Variants in CMTM7 observed in about 807,000 individuals in gnomAD.
CMTM7 encodes CKLF-like MARVEL transmembrane domain-containing protein 7.
CMTM7 carries 7 observed loss-of-function variants against 19.3 expected under a neutral mutation model. The ratio of observed to expected loss-of-function variants is 0.36; its 90% confidence interval spans 0.21 to 0.68. CMTM7 has a LOEUF of 0.68. Ranked by LOEUF, CMTM7 falls within the 30% of genes least tolerant of loss-of-function variation. CMTM7 has a pLI of 0.60. For synonymous variants in CMTM7, 87 were observed against 99.3 expected (o/e 0.88, Z 0.74); for missense variants, 193 against 232.6 (o/e 0.83, Z 1.11).
intron 1 of CMTM7, among the ~76,000 whole-genome samples, chr3:32,420,173 G>A (rs1220149068): frequency 6.6e-6 from 1 of 152,228 alleles, no homozygotes; most frequent in African/African-American, 2.4e-5. Flanking sequence ...GCAGGCACAT[G>A]AGAGGAGGTA....
At chr3:32,402,254 GGC>G (rs1559400680) in intron 1 of CMTM7, among the ~76,000 whole-genome samples, 1 of 151,834 alleles carries the variant, frequency 6.6e-6, no homozygotes, top group South Asian at 2.1e-4. Context: ...TGGGGCTACA[GGC>G]GCGCGCCACC....
chr3:32,413,452 T>C (rs967619978), intron 1 of CMTM7, among the ~76,000 whole-genome samples: 3 of 152,228 alleles, frequency 2.0e-5, no homozygotes, highest in Non-Finnish European at 4.4e-5. Flanking sequence ...TGTTATAAGA[T>C]TAGAGTGATT....
At chr3:32,453,345 T>G (rs4955290) in intron 4 of CMTM7, among the ~76,000 whole-genome samples, 5,914 of 152,216 alleles carry the variant, frequency 0.039, 240 homozygotes, top group East Asian at 0.21. Flanking sequence ...TGAGTATCCT[T>G]TCGATATTTT....
intron 1 of CMTM7, among the ~76,000 whole-genome samples, chr3:32,430,714 T>TGTGTGTGTGAGA (rs10634592): frequency 4.0e-4 from 60 of 149,596 alleles, no homozygotes; most frequent in Non-Finnish European, 8.3e-4. Flanking sequence ...TGTGTGTGTG[T>TGTGTGTGTGAGA]GACACAGCTC....
chr3:32,431,940 C>T (rs149851126), intron 1 of CMTM7, among the ~76,000 whole-genome samples: 2 of 152,308 alleles, frequency 1.3e-5, no homozygotes, highest in East Asian at 1.9e-4. Context: ...AAGACCAGCC[C>T]GGTCAACATT....
At chr3:32,452,328 A>T (rs1338701732) in intron 3 of CMTM7, 64 bp from the exon 4 acceptor site, 10 of 1,613,220 alleles carry the variant, frequency 6.2e-6, no homozygotes, top group African/African-American at 1.3e-5. Context: ...TGAGAAGCAG[A>T]CAGGATTGCC....
At chr3:32,424,607 T>C (rs1182971986) in intron 1 of CMTM7, among the ~76,000 whole-genome samples, 2 of 150,830 alleles carry the variant, frequency 1.3e-5, no homozygotes, top group Non-Finnish European at 2.9e-5. Flanking sequence ...TCTTGCCCCC[T>C]CTCCCAGACC....
At chr3:32,426,122 G>T (rs1451132361) in intron 1 of CMTM7, among the ~76,000 whole-genome samples, 1 of 152,146 alleles carries the variant, frequency 6.6e-6, no homozygotes, top group East Asian at 1.9e-4. Context: ...TCCAGCCTGG[G>T]CAACAGGAGT....
chr3:32,392,720 G>A (rs1380932750), intron 1 of CMTM7, among the ~76,000 whole-genome samples: 1 of 152,190 alleles, frequency 6.6e-6, no homozygotes, highest in Non-Finnish European at 1.5e-5. Flanking sequence ...AAGGCCTGTT[G>A]TCAGGGGCTG....
In CMTM7 at chr3:32,425,644, A is replaced by G. The variant is rs566597358; in HGVS notation, c.160-16196A>G. ...TTCGGTTGGTGGGGGAAGAGTGCCA[A>G]TCTGTTGTATATATAGTACATTCCA... is the stretch of plus-strand genomic sequence containing the variant. On this transcript the variant is annotated intron_variant, in intron 1 of 4. Coordinates refer to ENST00000334983, the MANE Select transcript of CMTM7 (RefSeq NM_138410.4). Among the ~76,000 whole-genome samples the G allele has an allele frequency of 2.6e-5, 4 of 152,258 alleles. No individual in the cohort carries two copies. In the East Asian group the frequency reaches 5.8e-4, roughly 22 times the overall value.
intron 1 of CMTM7, among the ~76,000 whole-genome samples, chr3:32,434,751 G>A (rs781551275): frequency 6.6e-6 from 1 of 151,940 alleles, no homozygotes; most frequent in East Asian, 1.9e-4. Flanking sequence ...AATGAGAGAT[G>A]GAGAGAATAT....
At chr3:32,398,510 AAAT>A (rs1213580768) in intron 1 of CMTM7, among the ~76,000 whole-genome samples, 1 of 152,168 alleles carries the variant, frequency 6.6e-6, no homozygotes, top group East Asian at 1.9e-4. Context: ...CAAATAGAGA[AAAT>A]AAACATTAAT....
intron 3 of CMTM7, among the ~76,000 whole-genome samples, chr3:32,450,057 T>C (rs1047335224): frequency 6.6e-6 from 1 of 152,158 alleles, no homozygotes; most frequent in Non-Finnish European, 1.5e-5. Flanking sequence ...TAGCCATAAA[T>C]AGAAGTAGAT....
At position 32,391,967 on chromosome 3, in the gene CMTM7, G is replaced by A; in HGVS notation, c.61G>A (p.Gly21Arg). 2 of 1,231,530 alleles carry A rather than the reference G, an allele frequency of 1.6e-6. No homozygotes were observed. The highest frequency in any genetic ancestry group is 2.0e-6 in the Non-Finnish European group (2 of 986,476). The allele number at this position is 1,231,530 out of a possible 1,614,324, so 76.3% of individuals were successfully genotyped here. ...CAGCAGCGGCAGCGCGCTCGGACCC[G>A]GGGCCGGCGCGGCCCAGCCCAGCGC... ...TCSSGSALGPGAGAAQPSASP... is the reference protein window; with the variant it reads ...TCSSGSALGPRAGAAQPSASP... The change falls in exon 1 of 5, where the codon GGG (glycine) becomes AGG (arginine). Residue 21 changes from glycine (G) to arginine (R), a missense_variant. By Grantham distance (125) the Gly-to-Arg change is moderately radical. Transcript: ENST00000334983.
chr3:32,406,177 G>T (rs61366894), intron 1 of CMTM7, among the ~76,000 whole-genome samples: 56,703 of 152,084 alleles, frequency 0.37, 11,432 homozygotes, highest in African/African-American at 0.52. Context: ...GAAGGTGTCC[G>T]CATTCTCCTC....
chr3:32,414,047 C>A (rs1388154795), intron 1 of CMTM7, among the ~76,000 whole-genome samples: 2 of 152,166 alleles, frequency 1.3e-5, no homozygotes, highest in African/African-American at 2.4e-5. Flanking sequence ...GAAGAGCGGT[C>A]CTAGCTTCAG....
intron 1 of CMTM7, among the ~76,000 whole-genome samples, chr3:32,422,704 G>T (rs1392620375): frequency 6.6e-6 from 1 of 152,186 alleles, no homozygotes; most frequent in Non-Finnish European, 1.5e-5. Context: ...CTCAACTTAT[G>T]GTGAGGTTAC....
At chr3:32,445,046 A>G (rs565216542) in intron 2 of CMTM7, among the ~76,000 whole-genome samples, 1 of 152,132 alleles carries the variant, frequency 6.6e-6, no homozygotes, top group Non-Finnish European at 1.5e-5. Context: ...CTTTTTGCAT[A>G]TTGATTTGTG....
intron 1 of CMTM7, among the ~76,000 whole-genome samples, chr3:32,401,721 C>T (rs529415262): frequency 6.6e-6 from 1 of 152,346 alleles, no homozygotes; most frequent in South Asian, 2.1e-4. Flanking sequence ...CGCACGCTGG[C>T]CTTCTTTGTT....
Sources: gnomAD v4.1 joint callset for allele counts (sites outside exome capture counted in the v4.1 genomes callset) on GRCh38, gnomAD v4.1.1 for gene constraint, MANE v1.5 for transcripts, NCBI Gene and HGNC (gene_info 2026-07-23, HGNC 2026-07-21) for gene names.